Variants in SCGB2B2 observed in about 807,000 individuals in gnomAD.
SCGB2B2 encodes secretoglobin-like protein.
SCGB2B2 carries 11 observed loss-of-function variants against 7.6 expected under a neutral mutation model. The ratio of observed to expected loss-of-function variants is 1.45; its 90% CI spans 0.91 to 2.40. The LOEUF (loss-of-function observed/expected upper bound fraction) is 2.40, where lower values mean the gene tolerates loss of function less well. Among genes scored for constraint, SCGB2B2 ranks in the 30% most tolerant of loss-of-function variants. SCGB2B2 has a pLI of 0.00. For synonymous variants in SCGB2B2, 50 were observed against 48.6 expected (o/e 1.03, Z -0.12); for missense variants, 104 against 115.4 (o/e 0.90, Z 0.45).
intron 1 of SCGB2B2, among the ~76,000 whole-genome samples, chr19:34,673,821 A>C (rs1370909101): frequency 1.3e-5 from 2 of 152,140 alleles, no homozygotes; most frequent in Non-Finnish European, 2.9e-5. Context: ...TAAACACCCC[A>C]TGACTATGGG....
intron 1 of SCGB2B2, among the ~76,000 whole-genome samples, chr19:34,668,259 G>T (rs1360239309): frequency 2.0e-5 from 3 of 152,170 alleles, no homozygotes; most frequent in African/African-American, 7.2e-5. Flanking sequence ...TTCCCGGTGG[G>T]CGTGGGCTTG....
chr19:34,653,998 A>C (rs1299522640), intron 1 of SCGB2B2, among the ~76,000 whole-genome samples: 4 of 150,366 alleles, frequency 2.7e-5, no homozygotes, highest in African/African-American at 9.9e-5. Context: ...AAGCCATCTA[A>C]ATCAGAAAAA....
intron 1 of SCGB2B2, among the ~76,000 whole-genome samples, chr19:34,649,542 T>A (rs561383238): frequency 1.3e-5 from 2 of 152,292 alleles, no homozygotes; most frequent in Non-Finnish European, 2.9e-5. Flanking sequence ...GCAATAACTA[T>A]TTGGAGTTTA....
intron 1 of SCGB2B2, among the ~76,000 whole-genome samples, chr19:34,647,972 T>G (rs1568440046): frequency 6.6e-6 from 1 of 152,016 alleles, no homozygotes; most frequent in Non-Finnish European, 1.5e-5. Flanking sequence ...GTTTAGTGTG[T>G]CGGAGAAATG....
At chr19:34,647,882 G>A (rs544968988) in intron 1 of SCGB2B2, among the ~76,000 whole-genome samples, 3 of 152,350 alleles carry the variant, frequency 2.0e-5, no homozygotes, top group African/African-American at 7.2e-5. Context: ...CACGTGAGGA[G>A]ACATCTCCCG....
At chr19:34,675,252 A>G (rs2067893993) in intron 1 of SCGB2B2, among the ~76,000 whole-genome samples, 1 of 152,258 alleles carries the variant, frequency 6.6e-6, no homozygotes, top group South Asian at 2.1e-4. Flanking sequence ...ATGATTGTAT[A>G]GTAAAATCAT....
At chr19:34,605,572 A>C (rs939109962) in intron 1 of SCGB2B2, among the ~76,000 whole-genome samples, 6 of 151,986 alleles carry the variant, frequency 3.9e-5, no homozygotes, top group African/African-American at 1.5e-4. Flanking sequence ...ACGATCTTAA[A>C]ATTTTATTTA....
rs973577980 is a variant in SCGB2B2 at position 34,591,449 on chromosome 19, C to T, written c.*2106G>A. On this transcript the variant is annotated 3_prime_UTR_variant, in exon 4 of 4. Coordinates refer to ENST00000601241, the MANE Select transcript of SCGB2B2 (RefSeq NM_001025591.4). ...GACAAGGCCACGGTGTCTACCTGGACGGCCACAGGGACTCCCAGTTGGTCT... is the reference window on the plus strand; with the variant it reads ...GACAAGGCCACGGTGTCTACCTGGATGGCCACAGGGACTCCCAGTTGGTCT... Among the ~76,000 whole-genome samples the T allele has an allele frequency of 3.9e-5, 6 of 152,182 alleles. No homozygotes were observed. The highest frequency in any genetic ancestry group is 5.9e-5 in the Non-Finnish European group (4 of 68,034).
At chr19:34,665,622 A>C (rs567422247) in intron 1 of SCGB2B2, among the ~76,000 whole-genome samples, 1 of 135,160 alleles carries the variant, frequency 7.4e-6, no homozygotes, top group Non-Finnish European at 1.7e-5. Context: ...TGTGTGACAC[A>C]GGCAGGAACT....
intron 1 of SCGB2B2, chr19:34,608,809 T>C (rs991294829): frequency 2.0e-5 from 3 of 151,276 alleles, no homozygotes; most frequent in Non-Finnish European, 4.4e-5. Context: ...GTCTTCGATA[T>C]ACTAATTTTC....
intron 1 of SCGB2B2, among the ~76,000 whole-genome samples, chr19:34,606,511 C>CTTTTCTT (rs775984236): frequency 1.1e-5 from 1 of 92,586 alleles, no homozygotes. Context: ...TTTTTCTTTT[C>CTTTTCTT]TTTTTCTTTT....
At position 34,593,380 on chromosome 19, in the gene SCGB2B2, C is replaced by T. The variant is rs2065348837; in HGVS notation, c.*175G>A. The T allele has an allele frequency of 7.2e-6, 4 of 556,664 alleles. No homozygotes were observed. The highest frequency in any genetic ancestry group is 1.3e-5 in the Non-Finnish European group (4 of 310,320). 34.5% of individuals were successfully genotyped at this position (556,664 alleles called of 1,614,324 possible). On this transcript the variant is annotated 3_prime_UTR_variant, in exon 4 of 4. Coordinates refer to ENST00000601241, the MANE Select transcript of SCGB2B2 (RefSeq NM_001025591.4). ...CAGTCGCATATTTTCACACTGGGAC[C>T]CTGGTCACACTCTGCATATGCGGTC...
intron 1 of SCGB2B2, among the ~76,000 whole-genome samples, chr19:34,666,664 A>G (rs567239398): frequency 6.6e-6 from 1 of 152,042 alleles, no homozygotes; most frequent in Admixed American, 6.5e-5. Flanking sequence ...CATCTCCCCA[A>G]ATGCCAGAGG....
Position 34,640,031 on chromosome 19 carries a change from C to A in SCGB2B2, c.-2032+35599G>T, listed in dbSNP as rs543229348. ...TCTTGGACTTTATGGCCAACCAAAC[C>A]TTCCAGTGGTTCAGTAGAAGCCACC... On this transcript the variant is annotated intron_variant, in intron 1 of 3. Coordinates refer to ENST00000601241, the MANE Select transcript of SCGB2B2 (RefSeq NM_001025591.4). 2.0e-5 allele frequency among the ~76,000 whole-genome samples: 3 copies of A among 152,212 alleles called. No homozygotes were observed. The South Asian group carries it at 6.2e-4, about 32-fold the overall frequency.
At chr19:34,651,263 G>T (rs1288109536) in intron 1 of SCGB2B2, among the ~76,000 whole-genome samples, 1 of 151,190 alleles carries the variant, frequency 6.6e-6, no homozygotes, top group African/African-American at 2.5e-5. Flanking sequence ...GATTAGGCAA[G>T]AAGAAATAAA....
rs1349297366 is a variant in SCGB2B2, at chr19:34,676,185, A to C, written c.-2587T>G. ...ACAGAGTGCTGACTGGTGCATTTAC[A>C]AACCTTTAGCTAGACACAGAGCACT... On this transcript the variant is annotated 5_prime_UTR_variant, in exon 1 of 4. Coordinates refer to ENST00000601241, the MANE Select transcript of SCGB2B2 (RefSeq NM_001025591.4). The C allele has an allele frequency of 6.6e-6, 1 of 152,174 alleles. No individual in the cohort carries two copies. The highest frequency in any genetic ancestry group is 1.5e-5 in the Non-Finnish European group (1 of 68,040). 9.4% of individuals were successfully genotyped at this position (152,174 alleles called of 1,614,324 possible).
chr19:34,590,138 C>T (rs2065263963), downstream of SCGB2B2, among the ~76,000 whole-genome samples: 1 of 152,188 alleles, frequency 6.6e-6, no homozygotes, highest in African/African-American at 2.4e-5. Flanking sequence ...TGTCCCTAGA[C>T]CACACCTGAG....
At chr19:34,630,120 G>A (rs147626703) in intron 1 of SCGB2B2, among the ~76,000 whole-genome samples, 46,262 of 151,342 alleles carry the variant, frequency 0.31, 8,225 homozygotes, top group Middle Eastern at 0.47. Context: ...ATTCAAGATG[G>A]ATTAAAGACT....
At chr19:34,654,414 C>A (rs997678995) in intron 1 of SCGB2B2, among the ~76,000 whole-genome samples, 5 of 151,090 alleles carry the variant, frequency 3.3e-5, no homozygotes, top group Non-Finnish European at 5.9e-5. Context: ...ACAAAAGTTA[C>A]AAATTATACA....
Sources: gnomAD v4.1 joint callset for allele counts (sites outside exome capture counted in the v4.1 genomes callset) on GRCh38, gnomAD v4.1.1 for gene constraint, MANE v1.5 for transcripts, NCBI Gene and HGNC (gene_info 2026-07-23, HGNC 2026-07-21) for gene names.